PCLO: variants seen among roughly 807,000 people sequenced by gnomAD.
PCLO encodes piccolo presynaptic cytomatrix protein.
PCLO carries 82 observed loss-of-function variants against 427.5 expected under a neutral mutation model. The ratio of observed to expected loss-of-function variants is 0.19; its 90% CI spans 0.16 to 0.23. PCLO has a LOEUF of 0.23. Ranked by LOEUF, PCLO falls within the 10% of genes least tolerant of loss-of-function variation. The probability of loss-of-function intolerance (pLI) is 1.00; values close to 1 mark genes in which losing one functional copy is unlikely to be tolerated. For missense variants in PCLO, 6,239 were observed against 6,115.9 expected (o/e 1.02, Z -0.67); for synonymous variants, 2,357 against 2,155.4 (o/e 1.09, Z -2.59).
chr7:83,109,801 AATAG>A (rs1790956826), intron 3 of PCLO, among the ~76,000 whole-genome samples: 22 of 152,110 alleles, frequency 1.4e-4, no homozygotes, highest in Admixed American at 1.4e-3. Flanking sequence ...TTGTACACTT[AATAG>A]CAAAAACATT....
At chr7:83,044,749 A>T (rs1789064131) in intron 3 of PCLO, among the ~76,000 whole-genome samples, 1 of 152,152 alleles carries the variant, frequency 6.6e-6, no homozygotes, top group Non-Finnish European at 1.5e-5. Flanking sequence ...CACATGTAAC[A>T]TATGTACAAA....
intron 3 of PCLO, among the ~76,000 whole-genome samples, chr7:83,019,794 A>G (rs1421089141): frequency 6.6e-6 from 1 of 152,130 alleles, no homozygotes; most frequent in East Asian, 1.9e-4. Context: ...TCTACAGAAT[A>G]AATTATGACT....
At chr7:82,819,746 C>A (rs186497606) in intron 20 of PCLO, among the ~76,000 whole-genome samples, 36 of 151,950 alleles carry the variant, frequency 2.4e-4, no homozygotes, top group Non-Finnish European at 4.1e-4. Context: ...ACATTGCCAC[C>A]ACATATATAA....
At chr7:82,773,514 A>G (rs147810736) in intron 22 of PCLO, among the ~76,000 whole-genome samples, 1 of 152,080 alleles carries the variant, frequency 6.6e-6, no homozygotes, top group South Asian at 2.1e-4. Context: ...AATAAATGTG[A>G]TCCTCCTTGC....
At chr7:82,761,989 C>A (rs534471005) in intron 22 of PCLO, among the ~76,000 whole-genome samples, 1 of 152,024 alleles carries the variant, frequency 6.6e-6, no homozygotes, top group Non-Finnish European at 1.5e-5. Context: ...TCAATTCATG[C>A]GTTAATTCAC....
intron 3 of PCLO, among the ~76,000 whole-genome samples, chr7:82,983,665 A>T (rs984457656): frequency 6.6e-6 from 1 of 150,788 alleles, no homozygotes; most frequent in African/African-American, 2.4e-5. Context: ...ACATGAGTTT[A>T]TAAAATGTAT....
rs918595919 is a variant in PCLO at position 82,770,874 on chromosome 7, G to A, written c.15008-9381C>T. Among the ~76,000 whole-genome samples, 4 of 151,570 alleles carry A rather than the reference G, an allele frequency of 2.6e-5. 1 individual carries two copies. The highest frequency in any genetic ancestry group is 2.6e-4 in the Admixed American group (4 of 15,218). ...TATTTGCATTGAATTTTATCTTCTG[G>A]TATATCATTGTTTTACAAAGGCTAT... is the stretch of plus-strand genomic sequence containing the variant. On this transcript the variant is annotated intron_variant, in intron 22 of 24. Transcript: ENST00000333891.
chr7:83,069,166 G>A (rs940850091), intron 3 of PCLO, among the ~76,000 whole-genome samples: 1 of 152,126 alleles, frequency 6.6e-6, no homozygotes, highest in Non-Finnish European at 1.5e-5. Context: ...ATATGTTAAT[G>A]ACAGTTGTCT....
intron 4 of PCLO, among the ~76,000 whole-genome samples, chr7:82,962,843 G>A (rs2115631880): frequency 6.6e-6 from 1 of 151,964 alleles, no homozygotes; most frequent in Middle Eastern, 3.4e-3. Context: ...TACTGATATA[G>A]TACACTGTAT....
At chr7:83,011,803 C>A (rs970606804) in intron 3 of PCLO, among the ~76,000 whole-genome samples, 1 of 151,882 alleles carries the variant, frequency 6.6e-6, no homozygotes, top group Non-Finnish European at 1.5e-5. Context: ...TTGATATGCA[C>A]TTTAAAGATC....
At chr7:83,068,750 T>A (rs373090260) in intron 3 of PCLO, among the ~76,000 whole-genome samples, 2 of 152,284 alleles carry the variant, frequency 1.3e-5, no homozygotes, top group East Asian at 1.9e-4. Flanking sequence ...AACTACCACA[T>A]AATACAGCAA....
In PCLO at chr7:82,931,914, A is replaced by T. The variant is rs917475109; in HGVS notation, c.11113-15041T>A. On this transcript the variant is annotated intron_variant, in intron 6 of 24. Transcript: ENST00000333891. ...CCACATAGAAGCTGTCTACAATGTA[A>T]CATGAATTGATTTTATGATTGATTA... 2.2e-4 allele frequency among the ~76,000 whole-genome samples: 34 copies of T among 152,218 alleles called. 1 individual carries two copies. Among genetic ancestry groups the T allele is most frequent in the African/African-American group, 8.2e-4 (34 of 41,546 alleles).
intron 3 of PCLO, among the ~76,000 whole-genome samples, chr7:83,028,869 A>G (rs901814585): frequency 6.6e-6 from 1 of 151,962 alleles, no homozygotes; most frequent in Non-Finnish European, 1.5e-5. Flanking sequence ...CGGATTCCCT[A>G]TTTAATAAAT....
chr7:82,869,405 A>C (rs1335862464), intron 10 of PCLO, among the ~76,000 whole-genome samples: 1 of 152,000 alleles, frequency 6.6e-6, no homozygotes, highest in African/African-American at 2.4e-5. Flanking sequence ...TATATGTCTA[A>C]TTTTTTTCCA....
intron 9 of PCLO, among the ~76,000 whole-genome samples, chr7:82,898,764 A>T: frequency 6.6e-6 from 1 of 151,464 alleles, no homozygotes; most frequent in East Asian, 1.9e-4. Context: ...CAATTTTATT[A>T]TGGAAAATTT....
At chr7:83,030,119 G>GAAAAAAAAAAAA (rs199609017) in intron 3 of PCLO, among the ~76,000 whole-genome samples, 40 of 104,526 alleles carry the variant, frequency 3.8e-4, no homozygotes, top group Non-Finnish European at 6.8e-4. Flanking sequence ...AATAATAAAA[G>GAAAAAAAAAAAA]AAAAAAAAAA....
chr7:82,902,010 C>G (rs1794053805), intron 9 of PCLO, among the ~76,000 whole-genome samples: 1 of 151,576 alleles, frequency 6.6e-6, no homozygotes, highest in African/African-American at 2.4e-5. Flanking sequence ...TTGTGGAAGT[C>G]AGTGTGGCGA....
At chr7:82,831,841 A>C (rs780234179) in intron 16 of PCLO, among the ~76,000 whole-genome samples, 7 of 152,164 alleles carry the variant, frequency 4.6e-5, no homozygotes, top group African/African-American at 7.2e-5. Flanking sequence ...GCCATTCTTC[A>C]ATAACAGTTG....
chr7:82,987,571 GA>G (rs1338463314), intron 3 of PCLO, among the ~76,000 whole-genome samples: 1 of 151,930 alleles, frequency 6.6e-6, no homozygotes, highest in Non-Finnish European at 1.5e-5. Context: ...TCAAGCAGTA[GA>G]CTCCTAACGT....
Sources: gnomAD v4.1 joint callset for allele counts (sites outside exome capture counted in the v4.1 genomes callset) on GRCh38, gnomAD v4.1.1 for gene constraint, MANE v1.5 for transcripts, NCBI Gene and HGNC (gene_info 2026-07-23, HGNC 2026-07-21) for gene names.